Variants in BICC1 observed in about 807,000 individuals in gnomAD.
BICC1 encodes protein bicaudal C homolog 1.
In BICC1, 43 loss-of-function variants were observed where a neutral mutation model predicts 111.0. The ratio of observed to expected loss-of-function variants is 0.39; its 90% CI spans 0.30 to 0.50. The LOEUF (loss-of-function observed/expected upper bound fraction) is 0.50, where lower values mean the gene tolerates loss of function less well. Among genes scored for constraint, BICC1 ranks in the 20% least tolerant of loss-of-function variants. The pLI is 0.88. For synonymous variants in BICC1, 467 were observed against 434.4 expected (o/e 1.07, Z -0.93); for missense variants, 1,091 against 1,203.2 (o/e 0.91, Z 1.38).
chr10:58,554,372 G>A (rs931744454), intron 1 of BICC1, among the ~76,000 whole-genome samples: 4 of 152,098 alleles, frequency 2.6e-5, no homozygotes, highest in African/African-American at 9.7e-5. Flanking sequence ...ACAAAAATGG[G>A]AGAATTTCAG....
At chr10:58,641,119 G>A (rs1204431832) in intron 2 of BICC1, among the ~76,000 whole-genome samples, 1 of 152,164 alleles carries the variant, frequency 6.6e-6, no homozygotes. Context: ...GAAAAATGAA[G>A]CATCTCATTT....
At chr10:58,685,728 C>T (rs1839701353) in intron 2 of BICC1, among the ~76,000 whole-genome samples, 1 of 152,028 alleles carries the variant, frequency 6.6e-6, no homozygotes, top group African/African-American at 2.4e-5. Flanking sequence ...GGTAGATCTC[C>T]CTCCATCCCT....
At chr10:58,565,554 C>T (rs979294656) in intron 1 of BICC1, among the ~76,000 whole-genome samples, 10 of 152,110 alleles carry the variant, frequency 6.6e-5, no homozygotes, top group African/African-American at 2.4e-4. Context: ...CTCCCCTTGC[C>T]CCCCCGATGT....
At chr10:58,613,188 G>A (rs370502004) in intron 1 of BICC1, among the ~76,000 whole-genome samples, 2 of 152,156 alleles carry the variant, frequency 1.3e-5, no homozygotes, top group Non-Finnish European at 2.9e-5. Flanking sequence ...ATTTATTCCC[G>A]GAGTTGTGTG....
intron 1 of BICC1, among the ~76,000 whole-genome samples, chr10:58,585,275 C>G (rs867837733): frequency 6.6e-6 from 1 of 152,122 alleles, no homozygotes; most frequent in African/African-American, 2.4e-5. Context: ...TGACACAAAT[C>G]TTTGTGTGGC....
intron 2 of BICC1, among the ~76,000 whole-genome samples, chr10:58,668,087 T>C (rs1839073117): frequency 6.6e-6 from 1 of 152,080 alleles, no homozygotes; most frequent in Non-Finnish European, 1.5e-5. Flanking sequence ...TTCACGGTCA[T>C]CCGGCTTTTA....
chr10:58,823,616 T>G, intron 20 of BICC1: 3 of 985,388 alleles, frequency 3.0e-6, no homozygotes, highest in Non-Finnish European at 3.6e-6. Context: ...GCCCAGTTGT[T>G]GTCATGTGCT....
chr10:58,767,533 A>G (rs1315727393), intron 3 of BICC1, among the ~76,000 whole-genome samples: 1 of 152,118 alleles, frequency 6.6e-6, no homozygotes, highest in African/African-American at 2.4e-5. Context: ...ACACGCAGAA[A>G]CCCGACACCA....
chr10:58,575,524 T>C (rs1844084471), intron 1 of BICC1, among the ~76,000 whole-genome samples: 1 of 152,124 alleles, frequency 6.6e-6, no homozygotes, highest in Non-Finnish European at 1.5e-5. Context: ...TTTTATTTAG[T>C]GTTTAAAGGT....
intron 18 of BICC1, 171 bp downstream of exon 18, chr10:58,814,157 T>G: frequency 1.3e-6 from 1 of 752,926 alleles, no homozygotes; most frequent in Non-Finnish European, 2.3e-6. Context: ...GGCCACCTGG[T>G]TCTCTTTCCT....
intron 3 of BICC1, among the ~76,000 whole-genome samples, chr10:58,725,722 TG>T (rs1449465696): frequency 1.3e-5 from 2 of 152,214 alleles, no homozygotes; most frequent in Non-Finnish European, 2.9e-5. Context: ...GATGACTTCC[TG>T]GCCACCTCAG....
At chr10:58,815,930 C>T (rs1844073024) in intron 18 of BICC1, among the ~76,000 whole-genome samples, 1 of 152,112 alleles carries the variant, frequency 6.6e-6, no homozygotes, top group Non-Finnish European at 1.5e-5. Context: ...AGAGCATTTT[C>T]ATTCCCACTA....
At chr10:58,622,124 G>T (rs921208188) in intron 2 of BICC1, among the ~76,000 whole-genome samples, 1 of 151,798 alleles carries the variant, frequency 6.6e-6, no homozygotes, top group African/African-American at 2.4e-5. Flanking sequence ...TGAGACTGCA[G>T]TGAGCCATGA....
chr10:58,734,456 GATAA>G (rs1841408341), intron 3 of BICC1, among the ~76,000 whole-genome samples: 1 of 152,162 alleles, frequency 6.6e-6, no homozygotes, highest in African/African-American at 2.4e-5. Context: ...ATATGAGCTC[GATAA>G]ATACTTTGCC....
At chr10:58,775,249 C>G (rs1479858829) in intron 3 of BICC1, among the ~76,000 whole-genome samples, 3 of 151,974 alleles carry the variant, frequency 2.0e-5, no homozygotes, top group Non-Finnish European at 4.4e-5. Flanking sequence ...TGGCGTGCAC[C>G]TGTAGACCCA....
At chr10:58,592,508 C>T (rs982182639) in intron 1 of BICC1, among the ~76,000 whole-genome samples, 1 of 151,810 alleles carries the variant, frequency 6.6e-6, no homozygotes, top group Non-Finnish European at 1.5e-5. Context: ...GTCAGGAGAT[C>T]GAGACCATCC....
At chr10:58,532,993 T>C (rs1298844028) in intron 1 of BICC1, among the ~76,000 whole-genome samples, 1 of 151,934 alleles carries the variant, frequency 6.6e-6, no homozygotes, top group East Asian at 1.9e-4. Flanking sequence ...TTATGAGATA[T>C]TCAAGGCATT....
At chr10:58,780,318 T>A (rs1021710422) in intron 3 of BICC1, among the ~76,000 whole-genome samples, 4 of 152,116 alleles carry the variant, frequency 2.6e-5, no homozygotes, top group Non-Finnish European at 4.4e-5. Context: ...ATACGATAAC[T>A]TTTGTTTTGT....
intron 13 of BICC1, among the ~76,000 whole-genome samples, chr10:58,800,619 A>G (rs1339722964): frequency 6.6e-6 from 1 of 152,184 alleles, no homozygotes; most frequent in African/African-American, 2.4e-5. Context: ...TGTTATATAT[A>G]TAGTTCCCCC....
Sources: gnomAD v4.1 joint callset for allele counts (sites outside exome capture counted in the v4.1 genomes callset) on GRCh38, gnomAD v4.1.1 for gene constraint, MANE v1.5 for transcripts, NCBI Gene and HGNC (gene_info 2026-07-23, HGNC 2026-07-21) for gene names.